The following PRELID2 variants were observed in gnomAD, a reference collection of about 807,000 sequenced individuals.
PRELID2 encodes PRELI domain-containing protein 2.
Under a neutral mutation model 28.4 loss-of-function variants are expected in PRELID2, and 25 were observed. The observed-to-expected ratio is 0.88, with a 90% confidence interval of 0.64 to 1.23. The LOEUF is 1.23. Ranked by LOEUF, PRELID2 falls within the 50% of genes most tolerant of loss-of-function variation. PRELID2 has a pLI of 0.00. For missense variants in PRELID2, 201 were observed against 214.4 expected, an observed-to-expected ratio of 0.94 and a Z score of 0.39; for synonymous variants, 76 against 71.6, an observed-to-expected ratio of 1.06 and a Z score of -0.31.
chr5:145,428,475 G>T, the PRELID2 span, among the ~76,000 whole-genome samples: 1 of 151,980 alleles, frequency 6.6e-6, no homozygotes, highest in Non-Finnish European at 1.5e-5. Context: ...CTAGTACAAA[G>T]AATCAGACAA....
At chr5:145,681,584 G>T (rs1754936919) in intron 1 of PRELID2, among the ~76,000 whole-genome samples, 2 of 152,134 alleles carry the variant, frequency 1.3e-5, no homozygotes, top group South Asian at 4.1e-4. Flanking sequence ...TTGCTTTCTG[G>T]ATTATGTGTA....
At chr5:145,450,677 T>C in the PRELID2 span, 1 of 152,202 alleles carries the variant, frequency 6.6e-6, no homozygotes, top group Non-Finnish European at 1.5e-5. Context: ...GACTGGATTC[T>C]GTCAAAGCAG....
chr5:145,253,259 G>A, the PRELID2 span, among the ~76,000 whole-genome samples: 1 of 152,120 alleles, frequency 6.6e-6, no homozygotes, highest in Non-Finnish European at 1.5e-5. Flanking sequence ...ACCTGTGGTT[G>A]ACTATTTACT....
At chr5:145,641,159 A>AT in intron 1 of PRELID2, among the ~76,000 whole-genome samples, 1 of 152,204 alleles carries the variant, frequency 6.6e-6, no homozygotes, top group Non-Finnish European at 1.5e-5. Flanking sequence ...AAATTTGACT[A>AT]TTTAAAACCT....
At chr5:145,343,654 G>C in the PRELID2 span, among the ~76,000 whole-genome samples, 1 of 151,054 alleles carries the variant, frequency 6.6e-6, no homozygotes, top group Admixed American at 6.6e-5. Flanking sequence ...CAGAAGAAAA[G>C]AAATAATAAA....
rs144582671 is a variant in PRELID2, at chr5:145,715,807, C to T, written n.70+49124G>A. Among the ~76,000 whole-genome samples the T allele has an allele frequency of 1.4e-3, 213 of 152,318 alleles. 1 individual carries two copies. Among genetic ancestry groups the T allele is most frequent in the Middle Eastern group, 0.01 (3 of 294 alleles). Reference sequence around the variant, plus strand: ...TTTAGGCCCAGTAGATAAACTGTTACTTCTGCAGAGAAGGCTTTCTTGACC... The same window carrying T: ...TTTAGGCCCAGTAGATAAACTGTTATTTCTGCAGAGAAGGCTTTCTTGACC... On this transcript the variant is annotated intron_variant and non_coding_transcript_variant, in intron 1 of 2. Transcript: ENST00000510259.
At chr5:145,600,420 GAAAAAAA>G (rs35455268) in intron 1 of PRELID2, among the ~76,000 whole-genome samples, 2 of 124,162 alleles carry the variant, frequency 1.6e-5, no homozygotes, top group South Asian at 2.4e-4. Context: ...CTCAGGGGGG[GAAAAAAA>G]AAAAAAAATA....
At chr5:145,408,695 A>G in the PRELID2 span, among the ~76,000 whole-genome samples, 2 of 152,052 alleles carry the variant, frequency 1.3e-5, no homozygotes, top group African/African-American at 4.8e-5. Flanking sequence ...AAAAATGAAC[A>G]AAGCCTTCAA....
chr5:145,819,762 T>C, intron 3 of PRELID2, 183 bp downstream of exon 3: 1 of 601,464 alleles, frequency 1.7e-6, no homozygotes, highest in South Asian at 2.2e-5. Context: ...AGACAAAGTA[T>C]CTCCAGTGGC....
intron 3 of PRELID2, chr5:145,819,402 G>C: frequency 6.2e-7 from 1 of 1,602,174 alleles, no homozygotes. Flanking sequence ...AGAATCACCA[G>C]AGTGCTTAAG....
intron 1 of PRELID2, among the ~76,000 whole-genome samples, chr5:145,508,757 G>A (rs1752436616): frequency 6.6e-6 from 1 of 152,066 alleles, no homozygotes; most frequent in Non-Finnish European, 1.5e-5. Context: ...TCCCTCAAAT[G>A]ATGCAAGGCA....
At chr5:145,517,569 G>A (rs1452768529) in intron 1 of PRELID2, among the ~76,000 whole-genome samples, 1 of 152,128 alleles carries the variant, frequency 6.6e-6, no homozygotes, top group South Asian at 2.1e-4. Flanking sequence ...CAATCACTGT[G>A]GAAGACCGTG....
chr5:145,376,216 A>G, the PRELID2 span, among the ~76,000 whole-genome samples: 2 of 152,272 alleles, frequency 1.3e-5, no homozygotes, highest in East Asian at 3.9e-4. Context: ...GTGTATGTTG[A>G]ACTATCCTTG....
intron 1 of PRELID2, among the ~76,000 whole-genome samples, chr5:145,479,622 G>T (rs1029849152): frequency 3.9e-5 from 6 of 152,178 alleles, no homozygotes; most frequent in Non-Finnish European, 7.3e-5. Flanking sequence ...TGCGCCTGGT[G>T]CACAGTAAGT....
At chr5:145,477,703 GA>G (rs1448659485) in intron 1 of PRELID2, among the ~76,000 whole-genome samples, 1 of 152,130 alleles carries the variant, frequency 6.6e-6, no homozygotes. Context: ...CTGTCAAATG[GA>G]AGCCCTACAA....
intron 1 of PRELID2, among the ~76,000 whole-genome samples, chr5:145,717,628 G>A (rs529021017): frequency 6.6e-6 from 1 of 150,988 alleles, no homozygotes; most frequent in Admixed American, 6.6e-5. Flanking sequence ...CATATGATTT[G>A]ATACAATTAC....
the PRELID2 span, among the ~76,000 whole-genome samples, chr5:145,238,676 T>C: frequency 3.3e-5 from 5 of 152,084 alleles, no homozygotes; most frequent in African/African-American, 1.2e-4. Context: ...ACTACTCTGT[T>C]ACTTTATATT....
At chr5:145,231,040 G>A in the PRELID2 span, among the ~76,000 whole-genome samples, 7 of 152,084 alleles carry the variant, frequency 4.6e-5, no homozygotes, top group African/African-American at 9.7e-5. Flanking sequence ...TCAGAAGCAC[G>A]TCACTAAATA....
At chr5:145,600,434 A>AAAAATATATATATAT (rs1315631607) in intron 1 of PRELID2, among the ~76,000 whole-genome samples, 6 of 120,098 alleles carry the variant, frequency 5.0e-5, no homozygotes, top group African/African-American at 2.4e-4. Flanking sequence ...AAAAAAAAAA[A>AAAAATATATATATAT]ATATATATAT....
Sources: gnomAD v4.1 joint callset for allele counts (sites outside exome capture counted in the v4.1 genomes callset) on GRCh38, gnomAD v4.1.1 for gene constraint, MANE v1.5 for transcripts, NCBI Gene and HGNC (gene_info 2026-07-23, HGNC 2026-07-21) for gene names.